Variants in LFNG observed in about 807,000 individuals in gnomAD.
The protein encoded by LFNG is beta-1,3-N-acetylglucosaminyltransferase lunatic fringe.
LFNG carries 15 observed loss-of-function variants against 32.7 expected under a neutral mutation model. That is an observed-to-expected ratio of 0.46 (90% CI 0.31 to 0.71). The LOEUF (loss-of-function observed/expected upper bound fraction) is 0.71. LFNG is among the 30% of genes least tolerant of loss of function. The pLI is 0.06. For synonymous variants in LFNG, 274 were observed against 246.8 expected, an observed-to-expected ratio of 1.11 and a Z score of -1.03; for missense variants, 520 against 545.7, an observed-to-expected ratio of 0.95 and a Z score of 0.47.
In LFNG at chr7:2,520,397, A is replaced by G; in HGVS notation, c.432+104A>G. 9.3e-7 allele frequency: 1 copy of G among 1,079,212 alleles called. No homozygotes were observed. Among genetic ancestry groups the G allele is most frequent in the Non-Finnish European group, 1.3e-6 (1 of 750,388 alleles). The allele number at this position is 1,079,212 out of a possible 1,614,324, so 66.9% of individuals were successfully genotyped here. On this transcript the variant is annotated intron_variant, in intron 1 of 7. Coordinates refer to ENST00000222725, the MANE Select transcript of LFNG (RefSeq NM_001040167.2). This position sits in a 1 kb window ranked among gnomAD's most constrained non-coding sequence, Gnocchi z 5.0. ...TGGGAGTCAGGCTGCATCCCCATCC[A>G]GCCACTAGGGCCATCTGTGGGCGAC... is the stretch of plus-strand genomic sequence containing the variant.
At chr7:2,528,513 G>A (rs573163968), downstream of LFNG, 2 of 776,036 alleles carry the variant, frequency 2.6e-6, no homozygotes, top group South Asian at 5.3e-5. Context: ...GTGAAGGGGA[G>A]GCTTGGCCTT....
chr7:2,528,949 A>C (rs1583280356), downstream of LFNG: 4 of 491,772 alleles, frequency 8.1e-6, no homozygotes, highest in East Asian at 3.5e-5. Context: ...AGGCGCTCAG[A>C]CTCCAAGCCA....
Position 2,525,098 on chromosome 7 carries a change from G to A in LFNG, c.482-121G>A, listed in dbSNP as rs114362656. On this transcript the variant is annotated intron_variant, in intron 2 of 7. Transcript: ENST00000222725. ...AGCTAGGGTGGGGGAGGCTACGGCCGCCGGGCCCAGCTTGAACTAGGGGGC... is the reference window on the plus strand; with the variant it reads ...AGCTAGGGTGGGGGAGGCTACGGCCACCGGGCCCAGCTTGAACTAGGGGGC... The A allele has an allele frequency of 1.8e-3, 1,586 of 898,318 alleles. 14 individuals carry two copies. The African/African-American group carries it at 0.021, about 12-fold the overall frequency. The allele number at this position is 898,318 out of a possible 1,614,324, so 55.6% of individuals were successfully genotyped here. A position where few individuals can be genotyped will look rare whatever the true frequency, so the allele number is the denominator to read the frequency against.
chr7:2,528,494 G>C (rs571506770), downstream of LFNG: 72 of 908,828 alleles, frequency 7.9e-5, 1 homozygote, highest in Non-Finnish European at 9.4e-5. Flanking sequence ...GGTCAGGAGA[G>C]GCACACAGGT....
intron 1 of LFNG, among the ~76,000 whole-genome samples, chr7:2,523,072 G>A (rs1254525407): frequency 2.0e-5 from 3 of 152,214 alleles, no homozygotes; most frequent in African/African-American, 7.2e-5. Context: ...TTTAATCTCC[G>A]TAGCCTTGGG....
At chr7:2,524,828 G>GCA in intron 2 of LFNG, 85 bp downstream of exon 2, 1 of 1,308,002 alleles carries the variant, frequency 7.6e-7, no homozygotes, top group African/African-American at 1.5e-5. Context: ...GCCCCTCTGG[G>GCA]CCGAGAGGTC....
Position 2,526,951 on chromosome 7 carries a change from C to A in LFNG, c.1073+30C>A. ...GGAAACCCCGGCCCAGATGGGCTTG[C>A]GTAGGGTGGCCTAGGGGCGTCAGGG... On this transcript the variant is annotated intron_variant, in intron 7 of 7. Transcript: ENST00000222725. This position sits in a 1 kb window ranked among gnomAD's most constrained non-coding sequence, Gnocchi z 6.9. 1 of 1,602,020 alleles carries A rather than the reference C, an allele frequency of 6.2e-7. No individual in the cohort carries two copies.
At chr7:2,521,569 C>G (rs1200683188) in intron 1 of LFNG, among the ~76,000 whole-genome samples, 1 of 152,222 alleles carries the variant, frequency 6.6e-6, no homozygotes, top group Non-Finnish European at 1.5e-5. Context: ...GCATCTCTTA[C>G]TGACAGTCCT....
chr7:2,517,717 C>T (rs1315224611), upstream of LFNG: 1 of 493,598 alleles, frequency 2.0e-6, no homozygotes. Context: ...AGGTACAGAG[C>T]ACAACCCGTG....
At chr7:2,517,725 G>A (rs1779663405), upstream of LFNG, 3 of 505,010 alleles carry the variant, frequency 5.9e-6, no homozygotes, top group South Asian at 3.1e-5. Flanking sequence ...AGCACAACCC[G>A]TGCACATATT....
At chr7:2,517,897 G>T, upstream of LFNG, 6 of 1,168,520 alleles carry the variant, frequency 5.1e-6, no homozygotes, top group Non-Finnish European at 6.5e-6. Context: ...TGTGTGAGTG[G>T]CTATGATCCT....
At position 2,528,345 on chromosome 7, in the gene LFNG, G is replaced by T; in HGVS notation, c.*1133G>T. On this transcript the variant is annotated 3_prime_UTR_variant, in exon 8 of 8. Coordinates refer to ENST00000222725, the MANE Select transcript of LFNG (RefSeq NM_001040167.2). ...CAAAGACATAGCTAGGAAAGCGAAT[G>T]ATAAGGGAAAAGTTCTCAGGGAATT... 2 of 986,224 alleles carry T rather than the reference G, an allele frequency of 2.0e-6. No individual in the cohort carries two copies. The highest frequency in any genetic ancestry group is 2.4e-6 in the Non-Finnish European group (2 of 830,054). 61.1% of individuals were successfully genotyped at this position (986,224 alleles called of 1,614,324 possible). A position where few individuals can be genotyped will look rare whatever the true frequency, so the allele number is the denominator to read the frequency against.
At chr7:2,512,690 G>T in exon 1 of LFNG, 1 of 1,613,776 alleles carries the variant, frequency 6.2e-7, no homozygotes, top group Non-Finnish European at 8.5e-7. Flanking sequence ...GGCTGGACAC[G>T]TATTGTATGA....
chr7:2,528,803 C>T (rs879237033), downstream of LFNG: 6 of 645,694 alleles, frequency 9.3e-6, no homozygotes, highest in South Asian at 1.0e-4. Flanking sequence ...GTGACCGGGC[C>T]TGGGGCCTCC....
chr7:2,519,773 T>C (rs977390902), upstream of LFNG: 9 of 773,872 alleles, frequency 1.2e-5, no homozygotes, highest in East Asian at 1.0e-4. Flanking sequence ...GGTGCTGCGC[T>C]GCTGGACTGC....
chr7:2,518,895 C>T (rs905237731), upstream of LFNG, among the ~76,000 whole-genome samples: 3 of 152,012 alleles, frequency 2.0e-5, no homozygotes, highest in African/African-American at 4.8e-5. Context: ...GCCGCCCCCG[C>T]TCGTGCGAGG....
chr7:2,522,873 T>C (rs1779832275), intron 1 of LFNG, among the ~76,000 whole-genome samples: 2 of 152,236 alleles, frequency 1.3e-5, no homozygotes, highest in South Asian at 4.1e-4. Flanking sequence ...GTTATGCCCA[T>C]TTTACTGAAG....
chr7:2,528,655 G>A (rs1350211489), downstream of LFNG, among the ~76,000 whole-genome samples: 2 of 152,192 alleles, frequency 1.3e-5, no homozygotes, highest in Non-Finnish European at 2.9e-5. Flanking sequence ...GGTCGCTGGA[G>A]CGTGAGCCCT....
Position 2,519,860 on chromosome 7 carries a change from C to T in LFNG, c.-2C>T. 9.1e-7 allele frequency: 1 copy of T among 1,097,964 alleles called. No individual in the cohort carries two copies. The highest frequency in any genetic ancestry group is 1.1e-6 in the Non-Finnish European group (1 of 901,688). The allele number at this position is 1,097,964 out of a possible 1,614,324, so 68.0% of individuals were successfully genotyped here. A position where few individuals can be genotyped will look rare whatever the true frequency, so the allele number is the denominator to read the frequency against. ...GGCGCGCCGCGCGGCCGCCACCCCA[C>T]CATGCTCAAGCGCTGCGGCCGGCGC... is the stretch of plus-strand genomic sequence containing the variant. On this transcript the variant is annotated 5_prime_UTR_variant, in exon 1 of 8. Transcript: ENST00000222725.
Sources: gnomAD v4.1 joint callset for allele counts (sites outside exome capture counted in the v4.1 genomes callset) on GRCh38, gnomAD v4.1.1 for gene constraint, Gnocchi (gnomAD v3.1) non-coding constraint, MANE v1.5 for transcripts, NCBI Gene and HGNC (gene_info 2026-07-23, HGNC 2026-07-21) for gene names.